CHRM3: variants seen among roughly 807,000 people sequenced by gnomAD.
CHRM3 encodes the protein muscarinic acetylcholine receptor M3.
In CHRM3, 11 loss-of-function variants were observed where a neutral mutation model predicts 41.8. That is an observed-to-expected ratio of 0.26 (90% CI 0.17 to 0.44). The LOEUF (loss-of-function observed/expected upper bound fraction) is 0.44, where lower values mean the gene tolerates loss of function less well. Ranked by LOEUF, CHRM3 falls within the 20% of genes least tolerant of loss-of-function variation. The pLI, the probability that CHRM3 is intolerant of heterozygous loss-of-function variation, is 1.00. For missense variants in CHRM3, 571 were observed against 745.4 expected (o/e 0.77, Z 2.72); for synonymous variants, 297 against 301.4 (o/e 0.99, Z 0.15).
At position 239,637,761 on chromosome 1, in the gene CHRM3, T is replaced by A. The variant is rs865803759; in HGVS notation, c.-250+5475T>A. 1.9e-4 allele frequency among the ~76,000 whole-genome samples: 28 copies of A among 150,562 alleles called. No individual in the cohort carries two copies. The South Asian group carries it at 3.2e-3, about 17-fold the overall frequency. On this transcript the variant is annotated intron_variant, in intron 4 of 6. Coordinates refer to ENST00000676153, the MANE Select transcript of CHRM3 (RefSeq NM_001375978.1). ...ATTTCTTTGTGAATTTTCTTTTTTT[T>A]AATTTAATTTTATTATTATTATACT...
intron 3 of CHRM3, among the ~76,000 whole-genome samples, chr1:239,585,143 T>C (rs1558341075): frequency 6.6e-6 from 1 of 151,776 alleles, no homozygotes; most frequent in Non-Finnish European, 1.5e-5. Flanking sequence ...ATATATACTT[T>C]TAGGCACATA....
At chr1:239,867,007 C>T (rs948895133) in intron 6 of CHRM3, among the ~76,000 whole-genome samples, 2 of 152,190 alleles carry the variant, frequency 1.3e-5, no homozygotes, top group African/African-American at 2.4e-5. Flanking sequence ...GAACCACACT[C>T]CAACCTGCAT....
chr1:239,866,295 T>G (rs745992229), intron 6 of CHRM3, among the ~76,000 whole-genome samples: 2 of 151,904 alleles, frequency 1.3e-5, no homozygotes, highest in African/African-American at 4.8e-5. Context: ...GAGAATGGCG[T>G]GAACCCGGGA....
At chr1:239,849,816 A>G (rs1037834763) in intron 6 of CHRM3, among the ~76,000 whole-genome samples, 6 of 152,190 alleles carry the variant, frequency 3.9e-5, no homozygotes, top group Non-Finnish European at 7.3e-5. Context: ...TGCTTTTAGC[A>G]AGTGCCTAAT....
At chr1:239,865,543 G>A (rs923038852) in intron 6 of CHRM3, among the ~76,000 whole-genome samples, 1 of 152,192 alleles carries the variant, frequency 6.6e-6, no homozygotes. Context: ...GAGGGGCCCT[G>A]TCAGAAGCAG....
At chr1:239,866,519 T>A (rs977511373) in intron 6 of CHRM3, among the ~76,000 whole-genome samples, 1 of 152,106 alleles carries the variant, frequency 6.6e-6, no homozygotes, top group Non-Finnish European at 1.5e-5. Context: ...TGTTTTTAAA[T>A]ACCTTTGTAA....
chr1:239,446,149 A>C lies in CHRM3; in HGVS notation c.-520-46560A>C, dbSNP rs187417571. Among the ~76,000 whole-genome samples, 520 of 152,130 alleles carry C rather than the reference A, an allele frequency of 3.4e-3. 2 individuals carry two copies. Among genetic ancestry groups the C allele is most frequent in the East Asian group, 8.3e-3 (43 of 5,160 alleles). On this transcript the variant is annotated intron_variant, in intron 1 of 6. Coordinates refer to ENST00000676153, the MANE Select transcript of CHRM3 (RefSeq NM_001375978.1). ...ATGGGGTTTCACCATGTTGGCCAGGATGGTCTTGATCTCCTGACCTCGTGA... is the reference window on the plus strand; with the variant it reads ...ATGGGGTTTCACCATGTTGGCCAGGCTGGTCTTGATCTCCTGACCTCGTGA...
intron 5 of CHRM3, among the ~76,000 whole-genome samples, chr1:239,694,772 A>G (rs768723410): frequency 1.7e-4 from 26 of 152,190 alleles, no homozygotes; most frequent in Non-Finnish European, 2.5e-4. Context: ...TTATCACACT[A>G]ATCTTAATCT....
chr1:239,805,555 C>A (rs1028321700), intron 5 of CHRM3, among the ~76,000 whole-genome samples: 5 of 152,230 alleles, frequency 3.3e-5, no homozygotes, highest in Middle Eastern at 3.4e-3. Context: ...CTGCCTCCTT[C>A]ATGCTTTTTT....
At chr1:239,891,608 A>T (rs1033803632) in intron 6 of CHRM3, among the ~76,000 whole-genome samples, 6 of 152,202 alleles carry the variant, frequency 3.9e-5, no homozygotes, top group African/African-American at 1.2e-4. Context: ...ATATTTAGGA[A>T]TGGAGAAATG....
chr1:239,653,416 C>T (rs189585081), intron 4 of CHRM3, among the ~76,000 whole-genome samples: 5 of 152,144 alleles, frequency 3.3e-5, no homozygotes, highest in East Asian at 3.9e-4. Context: ...GATGCAGAGA[C>T]GGAAACGGAA....
intron 3 of CHRM3, among the ~76,000 whole-genome samples, chr1:239,589,126 G>T (rs1322395210): frequency 6.6e-6 from 1 of 151,882 alleles, no homozygotes. Flanking sequence ...TAGAGACAGG[G>T]TTTCACCATG....
At chr1:239,736,758 T>G (rs979280751) in intron 5 of CHRM3, among the ~76,000 whole-genome samples, 7 of 152,158 alleles carry the variant, frequency 4.6e-5, no homozygotes, top group Non-Finnish European at 1.0e-4. Flanking sequence ...AGCATTGTGT[T>G]GTTAATGTTT....
chr1:239,791,380 C>T (rs895336965), intron 5 of CHRM3, among the ~76,000 whole-genome samples: 4 of 152,196 alleles, frequency 2.6e-5, no homozygotes, highest in Non-Finnish European at 4.4e-5. Flanking sequence ...CCTGGGACTA[C>T]AGGCGTGAAC....
intron 5 of CHRM3, among the ~76,000 whole-genome samples, chr1:239,685,228 A>C (rs1659018520): frequency 2.6e-5 from 4 of 152,190 alleles, no homozygotes; most frequent in Admixed American, 2.6e-4. Context: ...ATTTGAGGAA[A>C]GGTATTTAAA....
chr1:239,529,504 C>T (rs1458403030), intron 2 of CHRM3, among the ~76,000 whole-genome samples: 3 of 148,966 alleles, frequency 2.0e-5, no homozygotes, highest in Admixed American at 6.8e-5. Context: ...CCCAGCCACT[C>T]GGGAGGCTGA....
At chr1:239,405,371 A>G (rs1660513074) in intron 1 of CHRM3, among the ~76,000 whole-genome samples, 1 of 152,078 alleles carries the variant, frequency 6.6e-6, no homozygotes, top group Non-Finnish European at 1.5e-5. Flanking sequence ...CTGGGGATGA[A>G]AAGATGAATA....
chr1:239,832,947 G>A (rs940966424), intron 6 of CHRM3, among the ~76,000 whole-genome samples: 3 of 152,094 alleles, frequency 2.0e-5, no homozygotes, highest in Admixed American at 6.5e-5. Context: ...GACTAGGAAT[G>A]CCTAAGTTTC....
At chr1:239,518,208 A>G (rs1425651398) in intron 2 of CHRM3, among the ~76,000 whole-genome samples, 2 of 152,212 alleles carry the variant, frequency 1.3e-5, no homozygotes, top group South Asian at 2.1e-4. Flanking sequence ...ACTCAAATAC[A>G]TTTTGTAGAC....
Sources: allele counts gnomAD v4.1 joint callset (sites outside exome capture counted in the v4.1 genomes callset), GRCh38; gene constraint gnomAD v4.1.1; transcripts MANE v1.5; gene names NCBI Gene and HGNC (gene_info 2026-07-23, HGNC 2026-07-21).